The following E2F2 variants were observed in gnomAD, a reference collection of about 807,000 sequenced individuals.
E2F2 encodes transcription factor E2F2.
A neutral mutation model predicts 42.2 loss-of-function variants in E2F2; 22 were observed. That is an observed-to-expected ratio of 0.52 (90% CI 0.37 to 0.74). The LOEUF is 0.74. E2F2 is among the 30% of genes least tolerant of loss of function. E2F2 has a pLI of 0.00. For synonymous variants in E2F2, 248 were observed against 251.6 expected, an observed-to-expected ratio of 0.99 and a Z score of 0.13; for missense variants, 481 against 557.8, an observed-to-expected ratio of 0.86 and a Z score of 1.39.
intron 1 of E2F2, among the ~76,000 whole-genome samples, chr1:23,527,478 T>TA (rs1643270736): frequency 6.6e-6 from 1 of 152,018 alleles, no homozygotes; most frequent in African/African-American, 2.4e-5. Flanking sequence ...TGGAGAAGAG[T>TA]ACAGCTCCTT....
At chr1:23,519,800 G>A (rs998603352) in intron 4 of E2F2, among the ~76,000 whole-genome samples, 2 of 152,024 alleles carry the variant, frequency 1.3e-5, no homozygotes, top group Non-Finnish European at 1.5e-5. Context: ...TGTGAAGGCC[G>A]GGTGCGGTAT....
chr1:23,506,852 A>G lies in E2F2; in HGVS notation c.*3028T>C, dbSNP rs1642805693. 1 of 152,318 alleles carries G rather than the reference A, an allele frequency of 6.6e-6. No individual in the cohort carries two copies. The highest frequency in any genetic ancestry group is 2.1e-4 in the South Asian group (1 of 4,834). The allele number at this position is 152,318 out of a possible 1,614,324, so 9.4% of individuals were successfully genotyped here. On this transcript the variant is annotated 3_prime_UTR_variant, in exon 7 of 7. Coordinates refer to ENST00000361729, the MANE Select transcript of E2F2 (RefSeq NM_004091.4). ...ACACTGCAGAATGGAGGTTGAGAAC[A>G]CTTGGGGAGGGAGAACAAAGTCAGA...
rs753489600 is a variant in E2F2, at chr1:23,519,008, CCT to C, written c.852+6_852+7del. On this transcript the variant is annotated splice_donor_region_variant and intron_variant, in intron 5 of 6. Transcript: ENST00000361729. Reference sequence around the variant, plus strand: ...ACCCTGCTCTCCACCAAATATTTCCCCTCTCACCTCAGTCCTGTCGGGCACTT... The same window carrying C: ...ACCCTGCTCTCCACCAAATATTTCCCCTCACCTCAGTCCTGTCGGGCACTT... 44 of 1,611,508 alleles carry C rather than the reference CCT, an allele frequency of 2.7e-5. No individual in the cohort carries two copies. In the East Asian group the frequency reaches 3.8e-4, roughly 14 times the overall value.
intron 6 of E2F2, among the ~76,000 whole-genome samples, chr1:23,512,641 CAT>C (rs953526085): frequency 5.9e-5 from 9 of 152,096 alleles, no homozygotes; most frequent in African/African-American, 9.7e-5. Context: ...TGATAAAACA[CAT>C]GTGAAAATCT....
Position 23,530,480 on chromosome 1 carries a change from C to G in E2F2, c.252+62G>C. On this transcript the variant is annotated intron_variant, in intron 1 of 6. Coordinates refer to ENST00000361729, the MANE Select transcript of E2F2 (RefSeq NM_004091.4). The surrounding 1 kb of genome is among the most constrained non-coding windows in gnomAD (Gnocchi z 4.4). Reference sequence around the variant, plus strand: ...CCACTCAAACTGGATCTCAGGCACCCCTCCCTCCTTTCCCACACCTGGAAA... The same window carrying G: ...CCACTCAAACTGGATCTCAGGCACCGCTCCCTCCTTTCCCACACCTGGAAA... 1 of 1,587,686 alleles carries G rather than the reference C, an allele frequency of 6.3e-7. No individual in the cohort carries two copies. The highest frequency in any genetic ancestry group is 8.6e-7 in the Non-Finnish European group (1 of 1,168,558).
At chr1:23,518,814 G>A (rs972146574) in intron 5 of E2F2, among the ~76,000 whole-genome samples, 1 of 152,160 alleles carries the variant, frequency 6.6e-6, no homozygotes, top group Non-Finnish European at 1.5e-5. Flanking sequence ...GATTTTCTCA[G>A]GCCACTACTC....
chr1:23,526,423 C>A (rs1643251280), intron 1 of E2F2, among the ~76,000 whole-genome samples: 1 of 152,004 alleles, frequency 6.6e-6, no homozygotes, highest in Admixed American at 6.6e-5. Flanking sequence ...CTTCATATAT[C>A]CCCCAGCAGG....
rs947086985 is a variant in E2F2, at chr1:23,508,590, C to T, written c.*1290G>A. On this transcript the variant is annotated 3_prime_UTR_variant, in exon 7 of 7. Coordinates refer to ENST00000361729, the MANE Select transcript of E2F2 (RefSeq NM_004091.4). ...AAAAGACCCCCTCAGGACCCCAGGC[C>T]TGCAGAGGTAACATGAGTTCCTCTC... 16 of 152,364 alleles carry T rather than the reference C, an allele frequency of 1.1e-4. No homozygotes were observed. Among genetic ancestry groups the T allele is most frequent in the African/African-American group, 3.9e-4 (16 of 41,470 alleles). The allele number at this position is 152,364 out of a possible 1,614,324, so 9.4% of individuals were successfully genotyped here. A position where few individuals can be genotyped will look rare whatever the true frequency, so the allele number is the denominator to read the frequency against.
intron 1 of E2F2, among the ~76,000 whole-genome samples, chr1:23,526,351 T>C (rs1011216402): frequency 6.6e-6 from 1 of 152,086 alleles, no homozygotes; most frequent in South Asian, 2.1e-4. Flanking sequence ...GCTGAAGTAA[T>C]TGAGGCTTGG....
chr1:23,513,485 T>TGTA (rs903384802), intron 6 of E2F2, among the ~76,000 whole-genome samples: 1 of 152,042 alleles, frequency 6.6e-6, no homozygotes, highest in African/African-American at 2.4e-5. Flanking sequence ...GTCCCAAGAC[T>TGTA]GTAGTGGCTT....
At chr1:23,523,152 A>G (rs1558252082) in intron 2 of E2F2, among the ~76,000 whole-genome samples, 1 of 133,204 alleles carries the variant, frequency 7.5e-6, no homozygotes, top group East Asian at 3.0e-4. Flanking sequence ...TGCTCTAACC[A>G]GGATTTTTTT....
At chr1:23,511,574 A>AT (rs1642909417) in intron 6 of E2F2, among the ~76,000 whole-genome samples, 7 of 152,126 alleles carry the variant, frequency 4.6e-5, no homozygotes, top group Admixed American at 4.6e-4. Flanking sequence ...GTGATTTCCC[A>AT]TACAGGGACA....
Position 23,510,043 on chromosome 1 carries a change from T to A in E2F2, c.1151A>T (p.Gln384Leu), listed in dbSNP as rs1413169727. The change falls in exon 7 of 7, where the codon CAG (glutamine) becomes CTG (leucine). Residue 384 changes from glutamine to leucine, a missense_variant. Gln to Leu is a moderately radical substitution (Grantham distance 113, BLOSUM62 -2). Transcript: ENST00000361729. ...CGGGGACAGGAACTGGTCCTCAGTC[T>A]GCTGCAGGAGTGGGTGCGGCAGCTC... ...LLELPHPLLQ[Q>L]TEDQFLSPTL... 6.2e-7 allele frequency: 1 copy of A among 1,612,982 alleles called. No homozygotes were observed.
At chr1:23,519,174 C>T (rs745745643) in intron 4 of E2F2, 44 bp from the exon 5 acceptor site, 13 of 1,471,640 alleles carry the variant, frequency 8.8e-6, no homozygotes, top group Non-Finnish European at 1.2e-5. Context: ...GGTCAAAATT[C>T]AAACCCCAAA....
In E2F2 at chr1:23,508,959, ACT is replaced by A. The variant is rs1642854372; in HGVS notation, c.*919_*920del. ...GCTCCTGGACCAGCGCAAGGCAGAA[ACT>A]CTGAGGAAAAGTGCCCGCCACAGCC... is the stretch of plus-strand genomic sequence containing the variant. On this transcript the variant is annotated 3_prime_UTR_variant, in exon 7 of 7. Transcript: ENST00000361729. 1 of 152,228 alleles carries A rather than the reference ACT, an allele frequency of 6.6e-6. No individual in the cohort carries two copies. The highest frequency in any genetic ancestry group is 2.4e-5 in the African/African-American group (1 of 41,368). The allele number at this position is 152,228 out of a possible 1,614,324, so 9.4% of individuals were successfully genotyped here. A position where few individuals can be genotyped will look rare whatever the true frequency, so the allele number is the denominator to read the frequency against.
intron 6 of E2F2, among the ~76,000 whole-genome samples, chr1:23,512,235 A>C (rs1642923458): frequency 1.3e-5 from 2 of 151,980 alleles, no homozygotes; most frequent in Admixed American, 6.6e-5. Flanking sequence ...ACAAATAAAT[A>C]AATAAGCACT....
intron 2 of E2F2, 90 bp from the exon 3 acceptor site, chr1:23,522,146 C>G (rs1359888160): frequency 2.6e-6 from 3 of 1,136,938 alleles, no homozygotes; most frequent in Non-Finnish European, 3.8e-6. Context: ...TAAGTACCAC[C>G]TTTCACCACC....
chr1:23,510,702 C>A (rs1368560681), intron 6 of E2F2, among the ~76,000 whole-genome samples: 2 of 152,164 alleles, frequency 1.3e-5, no homozygotes, highest in Admixed American at 1.3e-4. Flanking sequence ...CACAAAAAAA[C>A]AAATACTGTG....
chr1:23,521,167 T>C (rs771581204), intron 3 of E2F2, 96 bp from the exon 4 acceptor site: 53 of 1,311,042 alleles, frequency 4.0e-5, no homozygotes, highest in Non-Finnish European at 5.2e-5. Flanking sequence ...CCCTGGGTTG[T>C]GGAAATCAGT....
Sources: allele counts gnomAD v4.1 joint callset (sites outside exome capture counted in the v4.1 genomes callset), GRCh38; gene constraint gnomAD v4.1.1; non-coding constraint Gnocchi (gnomAD v3.1); transcripts MANE v1.5; gene names NCBI Gene and HGNC (gene_info 2026-07-23, HGNC 2026-07-21).